DCST1: variants seen among roughly 807,000 people sequenced by gnomAD.
DCST1 encodes the protein DC-STAMP domain containing 1, also known as E3 ubiquitin-protein ligase DCST1.
Under a neutral mutation model 89.1 loss-of-function variants are expected in DCST1, and 78 were observed. The ratio of observed to expected loss-of-function variants is 0.88; its 90% confidence interval spans 0.73 to 1.06. The LOEUF is 1.06. Among genes scored for constraint, DCST1 ranks in the 50% least tolerant of loss-of-function variants. DCST1 has a pLI of 0.00. For missense variants in DCST1, 900 were observed against 928.6 expected, an observed-to-expected ratio of 0.97 and a Z score of 0.40; for synonymous variants, 364 against 371.9, an observed-to-expected ratio of 0.98 and a Z score of 0.24.
chr1:155,037,466 CAG>C (rs1660310409), intron 4 of DCST1, among the ~76,000 whole-genome samples: 2 of 124,546 alleles, frequency 1.6e-5, no homozygotes, highest in South Asian at 5.4e-4. Flanking sequence ...TTTTTTAAGA[CAG>C]AGTCTTGCTC....
rs1186873238 is a variant in DCST1, at chr1:155,041,445, T to C, written c.580T>C (p.Phe194Leu). 1.2e-6 allele frequency: 2 copies of C among 1,613,844 alleles called. No homozygotes were observed. The highest frequency in any genetic ancestry group is 2.2e-5 in the East Asian group (1 of 44,880). The change falls in exon 7 of 17, where the codon TTT becomes CTT. Residue 194 changes from phenylalanine (F) to leucine (L), a missense_variant. Phe to Leu is a conservative substitution (Grantham distance 22, BLOSUM62 0). Transcript: ENST00000295542. ...AGAGACTCGGAACATCTCCGCCACTTTTGAGGACCTGGATGCCCAGGTGAA... is the reference window on the plus strand; with the variant it reads ...AGAGACTCGGAACATCTCCGCCACTCTTGAGGACCTGGATGCCCAGGTGAA... ...RAETRNISAT[F>L]EDLDAQVNSE...
intron 16 of DCST1, among the ~76,000 whole-genome samples, 190 bp downstream of exon 16, chr1:155,048,360 C>T (rs11264301): frequency 0.41 from 61,665 of 152,070 alleles, 13,395 homozygotes; most frequent in East Asian, 0.85. Context: ...GGCACGATCT[C>T]GGCTCACTGC....
At chr1:155,043,307 G>A in intron 9 of DCST1, 45 bp from the exon 10 acceptor site, 1 of 1,613,296 alleles carries the variant, frequency 6.2e-7, no homozygotes, top group Non-Finnish European at 8.5e-7. Flanking sequence ...ACCCAGGTCT[G>A]ACGAGGTGGC....
intron 9 of DCST1, 84 bp from the exon 10 acceptor site, chr1:155,043,268 C>T: frequency 6.3e-7 from 1 of 1,599,778 alleles, no homozygotes; most frequent in Admixed American, 1.7e-5. Context: ...AAGTGGGGTA[C>T]TGGGGAACAG....
intron 9 of DCST1, 30 bp downstream of exon 9, chr1:155,042,886 G>C: frequency 1.9e-6 from 3 of 1,612,956 alleles, no homozygotes; most frequent in African/African-American, 1.3e-5. Flanking sequence ...GTTGGTGGGG[G>C]GTAGATAGGG....
Position 155,041,558 on chromosome 1 carries a change from A to T in DCST1, c.693A>T (p.Arg231Ser). The change falls in exon 7 of 17, where the codon AGA (arginine) becomes AGT (serine). Residue 231 changes from arginine (R) to serine (S), a missense_variant. Coordinates refer to ENST00000295542, the MANE Select transcript of DCST1 (RefSeq NM_152494.4). ...GREARQAPAS[R>S]LHLSTQKMYE... ...AGGCCCGCCAAGCCCCAGCCTCCAGACTCCACCTGTCGACACAGAAGATGT... is the reference window on the plus strand; with the variant it reads ...AGGCCCGCCAAGCCCCAGCCTCCAGTCTCCACCTGTCGACACAGAAGATGT... 1 of 1,613,948 alleles carries T rather than the reference A, an allele frequency of 6.2e-7. No individual in the cohort carries two copies. The highest frequency in any genetic ancestry group is 8.5e-7 in the Non-Finnish European group (1 of 1,180,004).
intron 2 of DCST1, 78 bp from the exon 3 acceptor site, chr1:155,034,357 A>G (rs772509681): frequency 6.2e-7 from 1 of 1,609,792 alleles, no homozygotes; most frequent in African/African-American, 1.3e-5. Flanking sequence ...GCCTCTATCC[A>G]CCTGCAAGCC....
At chr1:155,041,232 G>C (rs79380792) in intron 6 of DCST1, among the ~76,000 whole-genome samples, 165 bp from the exon 7 acceptor site, 3 of 152,256 alleles carry the variant, frequency 2.0e-5, no homozygotes, top group African/African-American at 2.4e-5. Context: ...AAGGGCAATG[G>C]ACAGCCGGGA....
chr1:155,044,773 C>T (rs182545314), intron 10 of DCST1, among the ~76,000 whole-genome samples: 32 of 152,276 alleles, frequency 2.1e-4, no homozygotes, highest in African/African-American at 6.3e-4. Context: ...CTGGAAAGCC[C>T]TGCAGGAAGA....
chr1:155,048,807 A>G (rs1660748410), intron 16 of DCST1, among the ~76,000 whole-genome samples: 1 of 152,104 alleles, frequency 6.6e-6, no homozygotes, highest in Non-Finnish European at 1.5e-5. Flanking sequence ...AGGAGGCCCA[A>G]GGCAAAACCA....
At position 155,040,502 on chromosome 1, in the gene DCST1, C is replaced by T. The variant is rs761438096; in HGVS notation, c.409C>T (p.Arg137Ter). The change falls in exon 6 of 17, where the codon CGA becomes TGA. Residue 137 changes from arginine to a stop codon, truncating the protein, a stop_gained. Transcript: ENST00000295542. LOFTEE classifies it high-confidence loss of function. ...AIYVGPVANL[R>*]HNLNNVIASL... ...TTCTCCAGGGCCAGTAGCCAATCTG[C>T]GACACAATCTCAACAACGTGATCGC... The T allele has an allele frequency of 7.5e-6, 12 of 1,599,554 alleles. No individual in the cohort carries two copies. Among genetic ancestry groups the T allele is most frequent in the African/African-American group, 1.3e-5 (1 of 74,860 alleles).
Position 155,041,855 on chromosome 1 carries a change from A to G in DCST1, c.890A>G (p.Lys297Arg). Residue 297 changes from lysine to arginine, a missense_variant and splice_region_variant, in exon 8 of 17, where the codon AAG becomes AGG. By Grantham distance (26) the Lys-to-Arg change is conservative (BLOSUM62 2). Coordinates refer to ENST00000295542, the MANE Select transcript of DCST1 (RefSeq NM_152494.4). ...MKFKFFCGIA[K>R]VMEVWCRNRI... The stretch of plus-strand genomic sequence containing the variant: ...TTCAAGTTCTTCTGTGGCATTGCCA[A>G]GGGTCTGCACAGTTGCAAAGGGGTG... 1 of 1,614,186 alleles carries G rather than the reference A, an allele frequency of 6.2e-7. No homozygotes were observed.
intron 8 of DCST1, among the ~76,000 whole-genome samples, chr1:155,042,487 G>A (rs1441767586): frequency 6.6e-6 from 1 of 152,176 alleles, no homozygotes; most frequent in African/African-American, 2.4e-5. Context: ...TGTAAACGCT[G>A]GCTCTCCTTA....
In DCST1 at chr1:155,046,328, G is replaced by A. The variant is rs759245309; in HGVS notation, c.1369-32G>A. Reference sequence around the variant, plus strand: ...GCTCCGTGCCCAGGCAGATGGCACTGCCCAGCTCTGCCCCTCCTGCTCCTT... The same window carrying A: ...GCTCCGTGCCCAGGCAGATGGCACTACCCAGCTCTGCCCCTCCTGCTCCTT... On this transcript the variant is annotated intron_variant, in intron 12 of 16. Coordinates refer to ENST00000295542, the MANE Select transcript of DCST1 (RefSeq NM_152494.4). The A allele has an allele frequency of 4.3e-6, 7 of 1,614,162 alleles. No homozygotes were observed. The East Asian group carries it at 1.3e-4, about 31-fold the overall frequency.
Position 155,048,970 on chromosome 1 carries a change from T to A in DCST1, c.1869+800T>A, listed in dbSNP as rs1371177201. On this transcript the variant is annotated intron_variant, in intron 16 of 16. Coordinates refer to ENST00000295542, the MANE Select transcript of DCST1 (RefSeq NM_152494.4). ...GCAGACTCCAGTCCATACTCCCTCA[T>A]TAAGTTGTGTCACCTTGGCCAAGGT... The A allele has an allele frequency of 8.4e-6, 6 of 715,166 alleles. No individual in the cohort carries two copies. In the Admixed American group the frequency reaches 1.2e-4, roughly 14 times the overall value. The allele number at this position is 715,166 out of a possible 1,614,324, so 44.3% of individuals were successfully genotyped here. A position where few individuals can be genotyped will look rare whatever the true frequency, so the allele number is the denominator to read the frequency against.
intron 10 of DCST1, 149 bp from the exon 11 acceptor site, chr1:155,045,744 A>G: frequency 1.5e-6 from 1 of 665,250 alleles, no homozygotes; most frequent in African/African-American, 1.8e-5. Context: ...CCCTGTTATC[A>G]CCATCCCCTA....
intron 9 of DCST1, among the ~76,000 whole-genome samples, chr1:155,043,063 G>A (rs1212142914): frequency 6.6e-6 from 1 of 152,136 alleles, no homozygotes; most frequent in Non-Finnish European, 1.5e-5. Flanking sequence ...GATGGGCAGG[G>A]GAGGGGAAAG....
chr1:155,041,439 G>A lies in DCST1; in HGVS notation c.574G>A (p.Ala192Thr), dbSNP rs372397808. Residue 192 changes from alanine to threonine, a missense_variant, in exon 7 of 17, where the codon GCC becomes ACC. By Grantham distance (58) the Ala-to-Thr change is moderately conservative. Coordinates refer to ENST00000295542, the MANE Select transcript of DCST1 (RefSeq NM_152494.4). ...LLRAETRNIS[A>T]TFEDLDAQVN... ...GAGAGCAGAGACTCGGAACATCTCC[G>A]CCACTTTTGAGGACCTGGATGCCCA... is the stretch of plus-strand genomic sequence containing the variant. 2.2e-5 allele frequency: 35 copies of A among 1,613,974 alleles called. 1 individual carries two copies. In the East Asian group the frequency reaches 2.9e-4, roughly 13 times the overall value.
rs577384044 is a variant in DCST1 at position 155,046,276 on chromosome 1, G to A, written c.1368+56G>A. 1.1e-5 allele frequency: 18 copies of A among 1,614,070 alleles called. No individual in the cohort carries two copies. In the African/African-American group the frequency reaches 1.6e-4, roughly 14 times the overall value. ...GTGCAAAGACAGGCCTGAAGGTGAG[G>A]GTGGAGGGTAAAAGGCACCAGAGAG... On this transcript the variant is annotated intron_variant, in intron 12 of 16. Coordinates refer to ENST00000295542, the MANE Select transcript of DCST1 (RefSeq NM_152494.4).
Sources: allele counts gnomAD v4.1 joint callset (sites outside exome capture counted in the v4.1 genomes callset), GRCh38; gene constraint gnomAD v4.1.1; transcripts MANE v1.5; gene names NCBI Gene and HGNC (gene_info 2026-07-23, HGNC 2026-07-21).